PRP4K: variants seen among roughly 807,000 people sequenced by gnomAD.
PRP4K encodes pre-mRNA processing factor kinase PRP4K, also known as serine/threonine-protein kinase PRP4 homolog.
At chr6:4,022,902 G>A in the PRP4K span, among the ~76,000 whole-genome samples, 1 of 151,628 alleles carries the variant, frequency 6.6e-6, no homozygotes, top group East Asian at 1.9e-4. Context: ...TTGATTTTAG[G>A]GATGTTTCAG....
chr6:4,051,424 C>G, the PRP4K span, among the ~76,000 whole-genome samples: 3 of 151,560 alleles, frequency 2.0e-5, no homozygotes, highest in Non-Finnish European at 4.4e-5. Context: ...TCAAGCCATT[C>G]TCCTGCCTCA....
chr6:4,045,048 A>G, the PRP4K span, among the ~76,000 whole-genome samples: 1 of 151,926 alleles, frequency 6.6e-6, no homozygotes, highest in African/African-American at 2.4e-5. Context: ...TTTTTAGTAG[A>G]GATGGGGTTT....
At chr6:4,035,569 T>A in the PRP4K span, among the ~76,000 whole-genome samples, 1 of 152,172 alleles carries the variant, frequency 6.6e-6, no homozygotes, top group Non-Finnish European at 1.5e-5. Context: ...ACTACAGATC[T>A]GAATCAAAGT....
At chr6:4,021,379 C>G in the PRP4K span, 12 of 1,556,696 alleles carry the variant, frequency 7.7e-6, no homozygotes, top group South Asian at 1.2e-5. Context: ...TACCCTCCAC[C>G]GTCCGGGAGC....
the PRP4K span, among the ~76,000 whole-genome samples, chr6:4,022,189 A>T: frequency 1.0e-5 from 1 of 99,878 alleles, no homozygotes. Flanking sequence ...CTGAGTTTAT[A>T]ACCCTTCTTT....
the PRP4K span, chr6:4,056,494 A>G: frequency 1.6e-4 from 254 of 1,612,024 alleles, 3 homozygotes; most frequent in South Asian, 2.7e-3. Flanking sequence ...CCGCATACTT[A>G]ATGTCTAAGC....
At chr6:4,030,362 T>C in the PRP4K span, among the ~76,000 whole-genome samples, 1 of 152,218 alleles carries the variant, frequency 6.6e-6, no homozygotes, top group African/African-American at 2.4e-5. Flanking sequence ...ATAAACTTAC[T>C]AAAAGTATAG....
chr6:4,044,450 A>C, the PRP4K span, among the ~76,000 whole-genome samples: 4 of 152,238 alleles, frequency 2.6e-5, no homozygotes, highest in Admixed American at 6.5e-5. Context: ...TATTTTCTTT[A>C]TTTACCAATT....
the PRP4K span, among the ~76,000 whole-genome samples, chr6:4,022,125 A>G: frequency 6.8e-6 from 1 of 147,696 alleles, no homozygotes; most frequent in African/African-American, 2.5e-5. Flanking sequence ...AGGCAAAGTA[A>G]GATAGAGTCT....
chr6:4,049,591 G>T, the PRP4K span: 1 of 775,478 alleles, frequency 1.3e-6, no homozygotes, highest in South Asian at 1.9e-5. Context: ...ATCAGTGGAG[G>T]CATGGCTTTG....
At chr6:4,023,507 G>T in the PRP4K span, among the ~76,000 whole-genome samples, 126 of 152,278 alleles carry the variant, frequency 8.3e-4, 4 homozygotes, top group East Asian at 0.02. Flanking sequence ...ATACAATGTG[G>T]CTTCTTTTTA....
chr6:4,041,062 C>G, the PRP4K span: 14 of 968,404 alleles, frequency 1.4e-5, no homozygotes, highest in Non-Finnish European at 1.8e-5. Flanking sequence ...AAAAGTTAGT[C>G]TTTTGTGAAT....
At chr6:4,038,038 G>C in the PRP4K span, among the ~76,000 whole-genome samples, 4 of 152,190 alleles carry the variant, frequency 2.6e-5, no homozygotes, top group Non-Finnish European at 4.4e-5. Flanking sequence ...GGTTAAAAAG[G>C]TGGTTTATAA....
the PRP4K span, among the ~76,000 whole-genome samples, chr6:4,027,335 C>A: frequency 2.0e-3 from 297 of 152,162 alleles, 2 homozygotes; most frequent in African/African-American, 6.8e-3. Context: ...TTTTCATAAG[C>A]CTATGATTTG....
chr6:4,042,538 G>A, the PRP4K span: 1 of 1,609,560 alleles, frequency 6.2e-7, no homozygotes, highest in Non-Finnish European at 8.5e-7. Context: ...TAATAGAACA[G>A]AGAAGAATCC....
the PRP4K span, among the ~76,000 whole-genome samples, chr6:4,035,638 G>A: frequency 2.6e-5 from 4 of 152,084 alleles, no homozygotes; most frequent in Non-Finnish European, 5.9e-5. Context: ...ATACCGTGCT[G>A]AAACATGCAA....
chr6:4,054,589 C>T, the PRP4K span, among the ~76,000 whole-genome samples: 1 of 152,144 alleles, frequency 6.6e-6, no homozygotes, highest in Non-Finnish European at 1.5e-5. Flanking sequence ...TCACTGCAAC[C>T]TCCAACTCCC....
chr6:4,050,386 C>T, the PRP4K span: 1 of 626,498 alleles, frequency 1.6e-6, no homozygotes, highest in African/African-American at 1.8e-5. Flanking sequence ...TGTACTGGAA[C>T]AACAGGCTGA....
At chr6:4,027,293 G>A in the PRP4K span, among the ~76,000 whole-genome samples, 2 of 152,130 alleles carry the variant, frequency 1.3e-5, no homozygotes, top group Non-Finnish European at 2.9e-5. Flanking sequence ...AACACTTAGT[G>A]TGACAGCCTT....
Sources: allele counts gnomAD v4.1 joint callset (sites outside exome capture counted in the v4.1 genomes callset), GRCh38; gene constraint gnomAD v4.1.1; transcripts MANE v1.5; gene names NCBI Gene and HGNC (gene_info 2026-07-23, HGNC 2026-07-21).